The following BSCL2 variants were observed in gnomAD, a reference collection of about 807,000 sequenced individuals.
BSCL2 encodes the protein seipin.
BSCL2 carries 41 observed loss-of-function variants against 57.4 expected under a neutral mutation model. That is an observed-to-expected ratio of 0.71 (90% CI 0.56 to 0.93). The LOEUF (loss-of-function observed/expected upper bound fraction) is 0.93. Ranked by LOEUF, BSCL2 falls within the 40% of genes least tolerant of loss-of-function variation. The probability of loss-of-function intolerance (pLI) is 0.00; values close to 1 mark genes in which losing one functional copy is unlikely to be tolerated. For missense variants in BSCL2, 539 were observed against 586.7 expected (o/e 0.92, Z 0.84); for synonymous variants, 237 against 227.3 (o/e 1.04, Z -0.38).
At chr11:62,692,925 C>T in intron 4 of BSCL2, 128 bp from the exon 5 acceptor site, 1 of 1,167,984 alleles carries the variant, frequency 8.6e-7, no homozygotes. Flanking sequence ...GCTGCCTCAC[C>T]TTCACTTCCT....
At position 62,694,722 on chromosome 11, in the gene BSCL2, T is replaced by C; in HGVS notation, c.487-11A>G. 3.1e-6 allele frequency: 5 copies of C among 1,613,660 alleles called. No homozygotes were observed. Among genetic ancestry groups the C allele is most frequent in the Non-Finnish European group, 4.2e-6 (5 of 1,179,832 alleles). On this transcript the variant is annotated splice_polypyrimidine_tract_variant and intron_variant, in intron 3 of 10. Coordinates refer to ENST00000360796, the MANE Select transcript of BSCL2 (RefSeq NM_001122955.4). The stretch of plus-strand genomic sequence containing the variant: ...TCCATACATCAGCACCTGCCAAAGG[T>C]AGCCCCCATTTCTTTAAAAAAATTT...
At chr11:62,701,057 C>T (rs1410731522) in intron 3 of BSCL2, among the ~76,000 whole-genome samples, 2 of 131,470 alleles carry the variant, frequency 1.5e-5, no homozygotes, top group Non-Finnish European at 3.3e-5. Context: ...GGTTTGTTGA[C>T]ATCACACTGG....
upstream of BSCL2, chr11:62,709,332 T>C: frequency 2.2e-6 from 1 of 453,920 alleles, no homozygotes; most frequent in South Asian, 1.6e-5. Context: ...GGTCGGGGGA[T>C]GGCGGGCGCG....
At chr11:62,691,563 G>T (rs1389452523) in intron 6 of BSCL2, 142 bp from the exon 7 acceptor site, 1 of 1,031,888 alleles carries the variant, frequency 9.7e-7, no homozygotes, top group Non-Finnish European at 1.5e-6. Flanking sequence ...CACCCACACA[G>T]TTTCCAGAAC....
At chr11:62,692,279 C>T in intron 6 of BSCL2, 97 bp downstream of exon 6, 3 of 1,291,008 alleles carry the variant, frequency 2.3e-6, no homozygotes, top group Non-Finnish European at 3.3e-6. Flanking sequence ...CAAGTCAGCT[C>T]TGCTCTGTAA....
At chr11:62,696,681 C>T (rs1298001962) in intron 3 of BSCL2, among the ~76,000 whole-genome samples, 1 of 152,082 alleles carries the variant, frequency 6.6e-6, no homozygotes, top group East Asian at 1.9e-4. Flanking sequence ...TCTCAGCCTC[C>T]TGAGTAGCTG....
intron 3 of BSCL2, among the ~76,000 whole-genome samples, chr11:62,696,096 G>A (rs888686009): frequency 5.3e-5 from 8 of 152,178 alleles, no homozygotes; most frequent in African/African-American, 1.4e-4. Context: ...GCTTGAACCC[G>A]AGAGGCGGAG....
rs530158869 is a variant in BSCL2, at chr11:62,695,998, C to T, written c.487-1287G>A. Among the ~76,000 whole-genome samples, 3 of 152,124 alleles carry T rather than the reference C, an allele frequency of 2.0e-5. No homozygotes were observed. In the East Asian group the frequency reaches 5.8e-4, roughly 30 times the overall value. ...GACCAGCCTGGCCAAGATGGTGAAA[C>T]TCTGTCTCTACTAAAAATACAAAAA... On this transcript the variant is annotated intron_variant, in intron 3 of 10. Transcript: ENST00000360796.
At chr11:62,697,391 A>AC (rs1421248922) in intron 3 of BSCL2, 1 of 150,592 alleles carries the variant, frequency 6.6e-6, no homozygotes, top group African/African-American at 2.4e-5. Context: ...TCTCAAAAAA[A>AC]AAAAAAAAAA....
intron 6 of BSCL2, among the ~76,000 whole-genome samples, chr11:62,691,969 G>A (rs1161714629): frequency 1.3e-5 from 2 of 151,616 alleles, no homozygotes; most frequent in Admixed American, 6.6e-5. Context: ...GGAGAATGGT[G>A]TGAACCCGGG....
chr11:62,706,183 A>C, intron 1 of BSCL2: 1 of 1,042,022 alleles, frequency 9.6e-7, no homozygotes, highest in Non-Finnish European at 1.2e-6. Context: ...GGGGGTGGGC[A>C]AAGCGCCCGG....
chr11:62,705,665 G>A, intron 1 of BSCL2, 48 bp from the exon 2 acceptor site: 1 of 1,452,362 alleles, frequency 6.9e-7, no homozygotes, highest in South Asian at 1.4e-5. Flanking sequence ...CCCCAGGGAG[G>A]TGGGGACAAA....
chr11:62,708,470 G>C, upstream of BSCL2: 1 of 1,272,264 alleles, frequency 7.9e-7, no homozygotes, highest in South Asian at 1.2e-5. Context: ...CTCAAGATAA[G>C]AGATGCGTTC....
chr11:62,702,241 T>C lies in BSCL2; in HGVS notation c.486+227A>G, dbSNP rs1017503189. 3.3e-5 allele frequency among the ~76,000 whole-genome samples: 5 copies of C among 152,132 alleles called. No individual in the cohort carries two copies. The South Asian group carries it at 1.0e-3, about 32-fold the overall frequency. ...ACCACCACGCCCAGCTAATTTTGTATTTTTAGTAGAGACGGGGTTTCTCCG... is the reference window on the plus strand; with the variant it reads ...ACCACCACGCCCAGCTAATTTTGTACTTTTAGTAGAGACGGGGTTTCTCCG... On this transcript the variant is annotated intron_variant, in intron 3 of 10. Coordinates refer to ENST00000360796, the MANE Select transcript of BSCL2 (RefSeq NM_001122955.4).
chr11:62,697,909 CTT>C (rs1193565203), intron 3 of BSCL2, among the ~76,000 whole-genome samples: 17 of 141,036 alleles, frequency 1.2e-4, no homozygotes, highest in Admixed American at 1.4e-4. Context: ...AATCCACATC[CTT>C]TTTTTTTTTT....
chr11:62,699,813 G>A (rs1945587476), intron 3 of BSCL2, among the ~76,000 whole-genome samples: 1 of 151,518 alleles, frequency 6.6e-6, no homozygotes, highest in Non-Finnish European at 1.5e-5. Context: ...AAAGTAGCTG[G>A]GACTATAGGT....
upstream of BSCL2, chr11:62,708,551 G>T (rs918715972): frequency 1.6e-4 from 225 of 1,391,180 alleles, 1 homozygote; most frequent in Non-Finnish European, 2.0e-4. Context: ...AGGCCTCTGG[G>T]GGGGATGAGG....
chr11:62,706,980 T>C (rs2083550701), intron 1 of BSCL2, 129 bp downstream of exon 1: 1 of 797,414 alleles, frequency 1.3e-6, no homozygotes, highest in Non-Finnish European at 2.1e-6. Context: ...TGCACACTGC[T>C]GCGGGCGTGG....
In BSCL2 at chr11:62,707,369, T is replaced by G. The variant is rs1253244922; in HGVS notation, c.-174A>C. The G allele has an allele frequency of 4.1e-6, 3 of 723,326 alleles. No homozygotes were observed. Among genetic ancestry groups the G allele is most frequent in the Non-Finnish European group, 7.4e-6 (3 of 403,534 alleles). The allele number at this position is 723,326 out of a possible 1,614,324, so 44.8% of individuals were successfully genotyped here. On this transcript the variant is annotated 5_prime_UTR_variant, in exon 1 of 11. Transcript: ENST00000360796. The stretch of plus-strand genomic sequence containing the variant: ...TCAGGTGCTAAGTGCTGTGTCAGAG[T>G]AGAGGGAGGAAAGGAGGAGGGGGGC...
Sources: allele counts gnomAD v4.1 joint callset (sites outside exome capture counted in the v4.1 genomes callset), GRCh38; gene constraint gnomAD v4.1.1; transcripts MANE v1.5; gene names NCBI Gene and HGNC (gene_info 2026-07-23, HGNC 2026-07-21).